Variants in MTMR3 observed in about 807,000 individuals in gnomAD.
The protein encoded by MTMR3 is myotubularin related protein 3.
Under a neutral mutation model 132.4 loss-of-function variants are expected in MTMR3, and 32 were observed. The ratio of observed to expected loss-of-function variants is 0.24; its 90% confidence interval spans 0.18 to 0.32. The LOEUF is 0.32. MTMR3 is among the 10% of genes least tolerant of loss of function. MTMR3 has a pLI of 1.00. For synonymous variants in MTMR3, 556 were observed against 550.3 expected (o/e 1.01, Z -0.14); for missense variants, 1,216 against 1,489.6 (o/e 0.82, Z 3.02).
At chr22:29,942,845 C>T (rs1401527609) in intron 1 of MTMR3, among the ~76,000 whole-genome samples, 1 of 152,172 alleles carries the variant, frequency 6.6e-6, no homozygotes, top group African/African-American at 2.4e-5. Flanking sequence ...ATTGTTCAAA[C>T]ACACATGCTC....
intron 1 of MTMR3, among the ~76,000 whole-genome samples, chr22:29,895,381 T>C (rs1267216808): frequency 6.6e-6 from 1 of 152,214 alleles, no homozygotes; most frequent in African/African-American, 2.4e-5. Flanking sequence ...CGATGAGAAA[T>C]AAGTTTGTTT....
At chr22:29,977,306 C>CTGTGT (rs1420258540) in intron 3 of MTMR3, among the ~76,000 whole-genome samples, 1 of 152,044 alleles carries the variant, frequency 6.6e-6, no homozygotes, top group Non-Finnish European at 1.5e-5. Flanking sequence ...AAGAAAAGTG[C>CTGTGT]TGTGTAAACA....
At position 30,026,988 on chromosome 22, in the gene MTMR3, C is replaced by T. The variant is rs995469777; in HGVS notation, c.*1187C>T. 7 of 152,822 alleles carry T rather than the reference C, an allele frequency of 4.6e-5. No homozygotes were observed. The highest frequency in any genetic ancestry group is 1.4e-4 in the African/African-American group (6 of 41,434). 9.5% of individuals were successfully genotyped at this position (152,822 alleles called of 1,614,324 possible). On this transcript the variant is annotated 3_prime_UTR_variant, in exon 20 of 20. Coordinates refer to ENST00000401950, the MANE Select transcript of MTMR3 (RefSeq NM_021090.4). The stretch of plus-strand genomic sequence containing the variant: ...GCAGTGAAGGGCCACTTGGTGACTT[C>T]GTAGGGTTCCTTAGAGAAGTGACAT...
At chr22:29,933,491 CT>C (rs1233690901) in intron 1 of MTMR3, among the ~76,000 whole-genome samples, 1 of 152,008 alleles carries the variant, frequency 6.6e-6, no homozygotes, top group Non-Finnish European at 1.5e-5. Context: ...TTTTAATCTT[CT>C]TAACTAAATG....
In MTMR3 at chr22:30,026,048, A is replaced by AT. The variant is rs139430397; in HGVS notation, c.*261dup. 42,582 of 334,670 alleles carry AT rather than the reference A, an allele frequency of 0.13. 711 individuals carry two copies. Among genetic ancestry groups the AT allele is most frequent in the East Asian group, 0.21 (4,164 of 19,984 alleles). 20.7% of individuals were successfully genotyped at this position (334,670 alleles called of 1,614,324 possible). On this transcript the variant is annotated 3_prime_UTR_variant, in exon 20 of 20. Coordinates refer to ENST00000401950, the MANE Select transcript of MTMR3 (RefSeq NM_021090.4). ...AGGAAACTTTCCCTTGGTTGTCTTA[A>AT]TTTTTTTTTTTTTTGATGGAAGACC...
At chr22:29,917,375 G>A (rs1482977949) in intron 1 of MTMR3, among the ~76,000 whole-genome samples, 1 of 152,188 alleles carries the variant, frequency 6.6e-6, no homozygotes, top group Non-Finnish European at 1.5e-5. Context: ...GCTCATGCCT[G>A]TAGTCCCAGC....
chr22:29,993,149 C>T (rs1019593615), intron 7 of MTMR3: 1 of 152,242 alleles, frequency 6.6e-6, no homozygotes, highest in Non-Finnish European at 1.5e-5. Flanking sequence ...TTCTCACAGG[C>T]GTGTCCAGGC....
chr22:30,006,034 A>G (rs1251873483), intron 9 of MTMR3: 1 of 152,230 alleles, frequency 6.6e-6, no homozygotes, highest in Non-Finnish European at 1.5e-5. Context: ...TTGTCGTACA[A>G]TAAGTTGCCT....
intron 2 of MTMR3, among the ~76,000 whole-genome samples, chr22:29,963,485 G>C (rs947937141): frequency 6.6e-6 from 1 of 150,974 alleles, no homozygotes; most frequent in African/African-American, 2.4e-5. Context: ...TGTCTCTCGG[G>C]TTCAAGTGAT....
chr22:29,950,961 G>A (rs1161503542), intron 1 of MTMR3, among the ~76,000 whole-genome samples: 1 of 151,316 alleles, frequency 6.6e-6, no homozygotes, highest in Admixed American at 6.6e-5. Flanking sequence ...GACCATCCTG[G>A]CCCACGTGGT....
Position 30,020,571 on chromosome 22 carries a change from G to T in MTMR3, c.2912G>T (p.Ser971Ile). 1 of 1,614,200 alleles carries T rather than the reference G, an allele frequency of 6.2e-7. No individual in the cohort carries two copies. The highest frequency in any genetic ancestry group is 8.5e-7 in the Non-Finnish European group (1 of 1,180,048). ...GEAGRSKDSL[S>I]RQLSAMSCSS... is the part of the protein sequence containing the mutation. ...GCTGGTAGGAGCAAGGACTCACTGA[G>T]CCGTCAGCTGTCTGCTATGAGCTGC... Residue 971 changes from serine to isoleucine, a missense_variant, in exon 17 of 20, where the codon AGC becomes ATC. Physicochemically the swap from Ser to Ile is moderately radical, Grantham distance 142 (BLOSUM62 -2). Around this residue, in one of 7 missense-constraint regions of MTMR3, gnomAD observed 852 missense variants for 852.0 expected, o/e 1.00. Coordinates refer to ENST00000401950, the MANE Select transcript of MTMR3 (RefSeq NM_021090.4).
At chr22:30,001,771 G>T (rs1219810582) in intron 8 of MTMR3, 1 of 152,154 alleles carries the variant, frequency 6.6e-6, no homozygotes, top group Non-Finnish European at 1.5e-5. Flanking sequence ...TTATTTTTAG[G>T]AGTTTGTGAA....
In MTMR3 at chr22:30,019,972, G is replaced by T; in HGVS notation, c.2313G>T (p.Gly771=). Residue 771 remains glycine, a synonymous_variant, in exon 17 of 20, where the codon GGG becomes GGT. Transcript: ENST00000401950. ...AGGGCATTTCTGAACAGCAGAGTGG[G>T]CTCAGTGTTCTCCTCAGTTCTCTCC... ...FSQGISEQQS[G]LSVLLSSLQV... 1 of 1,614,206 alleles carries T rather than the reference G, an allele frequency of 6.2e-7. No homozygotes were observed.
At chr22:30,024,429 C>G (rs1184743012) in intron 19 of MTMR3, 1 of 152,216 alleles carries the variant, frequency 6.6e-6, no homozygotes, top group Non-Finnish European at 1.5e-5. Flanking sequence ...TTTGCTGACT[C>G]ACGCTTTTTA....
chr22:29,957,251 T>A (rs2145844227), intron 2 of MTMR3, among the ~76,000 whole-genome samples, 163 bp downstream of exon 2: 1 of 122,032 alleles, frequency 8.2e-6, no homozygotes. Context: ...TTTAATGTCC[T>A]TACATGTGAT....
intron 19 of MTMR3, chr22:30,023,147 C>G (rs928370445): frequency 2.3e-6 from 1 of 440,930 alleles, no homozygotes; most frequent in Non-Finnish European, 4.1e-6. Flanking sequence ...GTAGTAGAGA[C>G]AGCTGAGGAC....
intron 1 of MTMR3, among the ~76,000 whole-genome samples, chr22:29,906,097 C>T (rs995794207): frequency 6.6e-6 from 1 of 152,034 alleles, no homozygotes; most frequent in Non-Finnish European, 1.5e-5. Context: ...ATCAAGCAGT[C>T]CTCCTGTGTC....
chr22:29,935,744 T>TG, intron 1 of MTMR3, among the ~76,000 whole-genome samples: 1 of 146,080 alleles, frequency 6.8e-6, no homozygotes, highest in Admixed American at 6.8e-5. Context: ...CATGCCCACT[T>TG]TTTTTTTTTT....
At chr22:29,907,711 T>G (rs768934717) in intron 1 of MTMR3, among the ~76,000 whole-genome samples, 68 of 152,352 alleles carry the variant, frequency 4.5e-4, no homozygotes, top group Middle Eastern at 3.4e-3. Flanking sequence ...TTAACAAAAC[T>G]GCTTAACCTC....
Sources: gnomAD v4.1 joint callset for allele counts (sites outside exome capture counted in the v4.1 genomes callset) on GRCh38, gnomAD v4.1.1 for gene constraint, gnomAD v4.1.1 regional missense constraint, MANE v1.5 for transcripts, NCBI Gene and HGNC (gene_info 2026-07-23, HGNC 2026-07-21) for gene names.